SLC24A2: variants seen among roughly 807,000 people sequenced by gnomAD.
The protein encoded by SLC24A2 is solute carrier family 24 member 2.
Under a neutral mutation model 62.0 loss-of-function variants are expected in SLC24A2, and 36 were observed. That is an observed-to-expected ratio of 0.58 (90% CI 0.44 to 0.77). SLC24A2 has a LOEUF of 0.77. Ranked by LOEUF, SLC24A2 falls within the 30% of genes least tolerant of loss-of-function variation. The pLI is 0.00. For missense variants in SLC24A2, 846 were observed against 817.9 expected (o/e 1.03, Z -0.42); for synonymous variants, 358 against 294.0 (o/e 1.22, Z -2.23).
the SLC24A2 span, among the ~76,000 whole-genome samples, chr9:20,263,861 G>GCCCCC: frequency 2.6e-3 from 79 of 30,834 alleles, 1 homozygote; most frequent in African/African-American, 8.0e-3. Flanking sequence ...TATCCCACCC[G>GCCCCC]CCCCCCCCCC....
chr9:19,807,268 G>A, the SLC24A2 span, among the ~76,000 whole-genome samples: 546 of 152,318 alleles, frequency 3.6e-3, 5 homozygotes, highest in African/African-American at 0.013. Flanking sequence ...GGAACAAAAG[G>A]AAGGTGATAG....
chr9:20,210,542 C>G, the SLC24A2 span, among the ~76,000 whole-genome samples: 1 of 150,188 alleles, frequency 6.7e-6, no homozygotes, highest in Admixed American at 6.7e-5. Flanking sequence ...GGCGCGATCT[C>G]GGCTCACTGC....
chr9:19,629,556 C>G (rs1324186875), intron 2 of SLC24A2, among the ~76,000 whole-genome samples: 2 of 152,144 alleles, frequency 1.3e-5, no homozygotes, highest in African/African-American at 2.4e-5. Context: ...GTCATAGGGG[C>G]ACTTTTTATG....
chr9:19,663,576 G>T (rs747551388), intron 2 of SLC24A2, among the ~76,000 whole-genome samples: 2 of 152,144 alleles, frequency 1.3e-5, no homozygotes, highest in Non-Finnish European at 2.9e-5. Flanking sequence ...TAAAGGCCCT[G>T]GGTCCACGTC....
chr9:20,208,914 C>A, the SLC24A2 span, among the ~76,000 whole-genome samples: 1 of 152,200 alleles, frequency 6.6e-6, no homozygotes. Context: ...GTGGATCTGG[C>A]CAGTCAGCAA....
the SLC24A2 span, among the ~76,000 whole-genome samples, chr9:20,247,306 C>T: frequency 6.6e-6 from 1 of 152,154 alleles, no homozygotes; most frequent in Admixed American, 6.5e-5. Context: ...AGCAGGCCCT[C>T]ACCAAGAACT....
At chr9:20,171,313 AC>A in the SLC24A2 span, among the ~76,000 whole-genome samples, 19 of 151,650 alleles carry the variant, frequency 1.3e-4, no homozygotes, top group South Asian at 6.2e-4. Context: ...ATAAAAAAAA[AC>A]AAGGTATACA....
the SLC24A2 span, among the ~76,000 whole-genome samples, chr9:20,140,844 G>A: frequency 2.0e-5 from 3 of 152,110 alleles, no homozygotes; most frequent in Non-Finnish European, 4.4e-5. Context: ...TGTCTCCATT[G>A]CCTTAGAAAC....
chr9:19,943,274 C>CT, the SLC24A2 span, among the ~76,000 whole-genome samples: 47,743 of 151,780 alleles, frequency 0.31, 7,986 homozygotes, highest in South Asian at 0.43. Context: ...TGATGAATGA[C>CT]TTTTTTCACT....
chr9:19,734,472 T>C (rs1241895446), intron 2 of SLC24A2, among the ~76,000 whole-genome samples: 2 of 152,182 alleles, frequency 1.3e-5, no homozygotes, highest in Non-Finnish European at 2.9e-5. Flanking sequence ...TAAATTACCT[T>C]GGGCAGTATG....
At chr9:20,019,007 G>A in the SLC24A2 span, among the ~76,000 whole-genome samples, 1 of 151,352 alleles carries the variant, frequency 6.6e-6, no homozygotes, top group Non-Finnish European at 1.5e-5. Context: ...GAGGTTGAGT[G>A]AGCTGAGATT....
intron 7 of SLC24A2, among the ~76,000 whole-genome samples, chr9:19,564,523 C>T (rs143889692): frequency 1.6e-5 from 2 of 127,400 alleles, no homozygotes; most frequent in Non-Finnish European, 3.4e-5. Context: ...CTGTTATCTA[C>T]CTACCTATCT....
chr9:19,565,407 A>G (rs989618389), intron 7 of SLC24A2, among the ~76,000 whole-genome samples: 2 of 150,860 alleles, frequency 1.3e-5, no homozygotes, highest in African/African-American at 4.9e-5. Context: ...CCAACTTACA[A>G]GGGATGTGAA....
chr9:20,146,327 T>C, the SLC24A2 span, among the ~76,000 whole-genome samples: 1 of 152,290 alleles, frequency 6.6e-6, no homozygotes, highest in Non-Finnish European at 1.5e-5. Flanking sequence ...TCTGAGTCTC[T>C]GACATCAGGT....
At chr9:19,998,149 C>T in the SLC24A2 span, among the ~76,000 whole-genome samples, 2 of 152,170 alleles carry the variant, frequency 1.3e-5, no homozygotes, top group African/African-American at 4.8e-5. Flanking sequence ...AATGAAACAA[C>T]AAAATCTGTA....
intron 4 of SLC24A2, among the ~76,000 whole-genome samples, chr9:19,611,286 G>C (rs1459989298): frequency 1.3e-5 from 2 of 151,296 alleles, no homozygotes; most frequent in Non-Finnish European, 2.9e-5. Context: ...AGAAAAGAGA[G>C]AAGGGTAGAG....
At chr9:19,544,809 G>T (rs368765696) in intron 8 of SLC24A2, among the ~76,000 whole-genome samples, 5 of 152,154 alleles carry the variant, frequency 3.3e-5, no homozygotes, top group South Asian at 2.1e-4. Context: ...TTGGTCTGAT[G>T]GGCTTCCCTT....
chr9:19,918,542 T>TC, the SLC24A2 span, among the ~76,000 whole-genome samples: 1 of 152,070 alleles, frequency 6.6e-6, no homozygotes, highest in Non-Finnish European at 1.5e-5. Context: ...CCACCACTTC[T>TC]CCCCCATGTC....
the SLC24A2 span, among the ~76,000 whole-genome samples, chr9:20,013,812 T>A: frequency 6.6e-6 from 1 of 151,956 alleles, no homozygotes. Flanking sequence ...AAATGGCCAA[T>A]AGGTAGATGA....
Sources: allele counts gnomAD v4.1 joint callset (sites outside exome capture counted in the v4.1 genomes callset), GRCh38; gene constraint gnomAD v4.1.1; transcripts MANE v1.5; gene names NCBI Gene and HGNC (gene_info 2026-07-23, HGNC 2026-07-21).